CACNA1C: variants seen among roughly 807,000 people sequenced by gnomAD.
CACNA1C encodes the protein voltage-dependent L-type calcium channel subunit alpha-1C.
A neutral mutation model predicts 229.0 loss-of-function variants in CACNA1C; 30 were observed. The ratio of observed to expected loss-of-function variants is 0.13; its 90% CI spans 0.10 to 0.18. The LOEUF is 0.18. CACNA1C is among the 10% of genes least tolerant of loss of function. The pLI is 1.00. For synonymous variants in CACNA1C, 1,114 were observed against 1,132.5 expected, an observed-to-expected ratio of 0.98 and a Z score of 0.33; for missense variants, 1,658 against 2,845.0, an observed-to-expected ratio of 0.58 and a Z score of 9.49.
chr12:2,061,291 A>G (rs572423809), intron 1 of CACNA1C, among the ~76,000 whole-genome samples: 10 of 152,220 alleles, frequency 6.6e-5, no homozygotes, highest in Non-Finnish European at 1.2e-4. Flanking sequence ...GAGTTTGGAA[A>G]AGCAACGCCA....
chr12:2,111,872 G>A (rs1308229204), intron 1 of CACNA1C, among the ~76,000 whole-genome samples: 3 of 152,182 alleles, frequency 2.0e-5, no homozygotes, highest in Admixed American at 6.5e-5. Flanking sequence ...CCTAAGAGGC[G>A]CCCCGAGGTT....
At chr12:2,170,300 A>G (rs1360446849) in intron 3 of CACNA1C, among the ~76,000 whole-genome samples, 1 of 152,120 alleles carries the variant, frequency 6.6e-6, no homozygotes, top group Non-Finnish European at 1.5e-5. Context: ...AAAAAGGGGG[A>G]TAAGCCCTCT....
chr12:2,508,449 A>G (rs575583827), intron 8 of CACNA1C, among the ~76,000 whole-genome samples: 1 of 152,366 alleles, frequency 6.6e-6, no homozygotes, highest in South Asian at 2.1e-4. Context: ...TAGGAGTTTG[A>G]GATCAGCCTG....
At position 2,686,745 on chromosome 12, in the gene CACNA1C, G is replaced by A. The variant is rs116733951; in HGVS notation, c.5784+476G>A. On this transcript the variant is annotated intron_variant, in intron 45 of 46. Transcript: ENST00000399655. The stretch of plus-strand genomic sequence containing the variant: ...TGGTCAAGAGTAGGGAATGACATCC[G>A]TGGGAAGCAGGTCCAGGGAGATTCC... 2.7e-3 allele frequency among the ~76,000 whole-genome samples: 409 copies of A among 152,328 alleles called. 2 individuals carry two copies. The highest frequency in any genetic ancestry group is 9.5e-3 in the African/African-American group (393 of 41,574).
intron 2 of CACNA1C, among the ~76,000 whole-genome samples, chr12:2,116,259 A>C (rs117170680): frequency 6.6e-6 from 1 of 152,230 alleles, no homozygotes; most frequent in Admixed American, 6.5e-5. Context: ...TCCATATAGA[A>C]ACAAGCAAAT....
At chr12:2,059,068 C>T (rs779628542) in intron 1 of CACNA1C, among the ~76,000 whole-genome samples, 6 of 152,100 alleles carry the variant, frequency 3.9e-5, no homozygotes, top group South Asian at 2.1e-4. Flanking sequence ...TTTCCCCTGC[C>T]GAATTCAGGC....
intron 3 of CACNA1C, among the ~76,000 whole-genome samples, chr12:2,172,295 C>T (rs2096516631): frequency 6.6e-6 from 1 of 152,202 alleles, no homozygotes; most frequent in Non-Finnish European, 1.5e-5. Context: ...TTCTGCTAGT[C>T]TGAGCCAGAG....
At position 2,575,945 on chromosome 12, in the gene CACNA1C, A is replaced by T. The variant is rs1465173515; in HGVS notation, c.1896-5645A>T. Among the ~76,000 whole-genome samples, 6 of 152,186 alleles carry T rather than the reference A, an allele frequency of 3.9e-5. No individual in the cohort carries two copies. Among genetic ancestry groups the T allele is most frequent in the Non-Finnish European group, 8.8e-5 (6 of 68,038 alleles). On this transcript the variant is annotated intron_variant, in intron 13 of 46. Transcript: ENST00000399655. This position sits in a 1 kb window ranked among gnomAD's most constrained non-coding sequence, Gnocchi z 4.0. The stretch of plus-strand genomic sequence containing the variant: ...GAGGAAGAATTCCACAGAGCCCCAA[A>T]CCCAGAGACAGACCTAGAGACGGGG...
At chr12:2,621,047 C>T (rs1362148164) in intron 29 of CACNA1C, among the ~76,000 whole-genome samples, 1 of 152,196 alleles carries the variant, frequency 6.6e-6, no homozygotes, top group Non-Finnish European at 1.5e-5. Context: ...GGAAATCCTT[C>T]TTTATACTGA....
At chr12:2,244,372 G>A (rs1430429394) in intron 3 of CACNA1C, among the ~76,000 whole-genome samples, 2 of 152,208 alleles carry the variant, frequency 1.3e-5, no homozygotes, top group Non-Finnish European at 2.9e-5. Context: ...GCCTGAGCCT[G>A]TATTTATCAC....
At chr12:2,556,045 C>T (rs939838589) in intron 10 of CACNA1C, among the ~76,000 whole-genome samples, 11 of 152,154 alleles carry the variant, frequency 7.2e-5, no homozygotes, top group African/African-American at 2.2e-4. Context: ...TGCACTATCC[C>T]CAGCGTTCAT....
chr12:2,314,064 C>T (rs983602715), intron 3 of CACNA1C, among the ~76,000 whole-genome samples: 5 of 152,330 alleles, frequency 3.3e-5, no homozygotes, highest in East Asian at 1.9e-4. Flanking sequence ...TCCTCCCCCC[C>T]ACTTCTTATT....
chr12:2,497,755 A>G (rs1443475529), intron 7 of CACNA1C, among the ~76,000 whole-genome samples: 1 of 152,204 alleles, frequency 6.6e-6, no homozygotes, highest in Non-Finnish European at 1.5e-5. Context: ...GTTATAAAAA[A>G]TACTTAATGA....
In CACNA1C at chr12:2,067,449, C is replaced by CGTGT. The variant is rs1555107490; in HGVS notation, c.49+13868_49+13871dup. Among the ~76,000 whole-genome samples the CGTGT allele has an allele frequency of 8.3e-3, 1,177 of 141,476 alleles. 13 individuals carry two copies. The highest frequency in any genetic ancestry group is 0.025 in the African/African-American group (942 of 37,770). 92.8% of individuals were successfully genotyped at this position (141,476 alleles called of 152,430 possible). ...GCTTAGGACTGTGGACTAGGATGCA[C>CGTGT]GTGTGTGTGTGTGTGTGTGTGTGTG... is the stretch of plus-strand genomic sequence containing the variant. On this transcript the variant is annotated intron_variant, in intron 1 of 46. Coordinates refer to ENST00000399655, the MANE Select transcript of CACNA1C (RefSeq NM_000719.7). This position sits in a 1 kb window ranked among gnomAD's most constrained non-coding sequence, Gnocchi z 5.3.
intron 9 of CACNA1C, among the ~76,000 whole-genome samples, chr12:2,534,333 C>T (rs1161281436): frequency 2.0e-5 from 3 of 152,094 alleles, no homozygotes; most frequent in Admixed American, 2.0e-4. Context: ...AAGCGGATTG[C>T]CAAGGGCCCT....
intron 13 of CACNA1C, among the ~76,000 whole-genome samples, chr12:2,578,224 G>A (rs2059277913): frequency 6.6e-6 from 1 of 152,220 alleles, no homozygotes; most frequent in African/African-American, 2.4e-5. Context: ...GGGGAGATGT[G>A]AGGCCTGAAG....
At chr12:2,252,399 C>G (rs2075896186) in intron 3 of CACNA1C, among the ~76,000 whole-genome samples, 1 of 152,180 alleles carries the variant, frequency 6.6e-6, no homozygotes, top group South Asian at 2.1e-4. Flanking sequence ...ATACGATACA[C>G]AAACGTTTGG....
intron 3 of CACNA1C, among the ~76,000 whole-genome samples, chr12:2,446,491 C>T (rs1385808874): frequency 4.5e-5 from 4 of 88,700 alleles, no homozygotes; most frequent in South Asian, 4.1e-4. Context: ...CGGATGGGTG[C>T]GTCAGTGGGT....
At chr12:2,464,622 T>G (rs1018858997) in intron 5 of CACNA1C, among the ~76,000 whole-genome samples, 3 of 152,214 alleles carry the variant, frequency 2.0e-5, no homozygotes, top group Admixed American at 2.0e-4. Flanking sequence ...TTTAAGGACT[T>G]TTCGTGGGAT....
Sources: allele counts gnomAD v4.1 joint callset (sites outside exome capture counted in the v4.1 genomes callset), GRCh38; gene constraint gnomAD v4.1.1; non-coding constraint Gnocchi (gnomAD v3.1); transcripts MANE v1.5; gene names NCBI Gene and HGNC (gene_info 2026-07-23, HGNC 2026-07-21).